Variants in ANKS1B observed in about 807,000 individuals in gnomAD.
The protein encoded by ANKS1B is ankyrin repeat and sterile alpha motif domain-containing protein 1B.
ANKS1B carries 36 observed loss-of-function variants against 148.3 expected under a neutral mutation model. That is an observed-to-expected ratio of 0.24 (90% CI 0.19 to 0.32). ANKS1B has a LOEUF of 0.32. ANKS1B is among the 10% of genes least tolerant of loss of function. ANKS1B has a pLI of 1.00. For missense variants in ANKS1B, 1,157 were observed against 1,542.6 expected, an observed-to-expected ratio of 0.75 and a Z score of 4.19; for synonymous variants, 542 against 560.8, an observed-to-expected ratio of 0.97 and a Z score of 0.47.
At chr12:98,974,560 T>A (rs2099888966) in intron 17 of ANKS1B, among the ~76,000 whole-genome samples, 1 of 149,114 alleles carries the variant, frequency 6.7e-6, no homozygotes, top group South Asian at 2.1e-4. Context: ...ATAAACAGTA[T>A]AAAAAGGTAA....
At chr12:99,366,794 A>G (rs923010538) in intron 12 of ANKS1B, among the ~76,000 whole-genome samples, 5 of 152,184 alleles carry the variant, frequency 3.3e-5, no homozygotes, top group Non-Finnish European at 5.9e-5. Context: ...CTTTCTAACT[A>G]TGACTCAAAA....
At chr12:98,842,383 A>G (rs1034385105) in intron 17 of ANKS1B, among the ~76,000 whole-genome samples, 21 of 152,316 alleles carry the variant, frequency 1.4e-4, no homozygotes, top group African/African-American at 4.6e-4. Flanking sequence ...GCATAAAACT[A>G]TATGTACAGA....
chr12:99,008,185 C>A (rs2099937263), intron 17 of ANKS1B, among the ~76,000 whole-genome samples: 1 of 152,094 alleles, frequency 6.6e-6, no homozygotes, highest in Non-Finnish European at 1.5e-5. Context: ...AGTTCTCAGA[C>A]AAAAGGAAAA....
chr12:99,845,711 G>T (rs748498171), intron 1 of ANKS1B, among the ~76,000 whole-genome samples: 2 of 152,008 alleles, frequency 1.3e-5, no homozygotes, highest in Non-Finnish European at 2.9e-5. Context: ...GCCAGGTTTT[G>T]GTATCACAAT....
intron 17 of ANKS1B, among the ~76,000 whole-genome samples, chr12:98,848,575 T>TC (rs2099497514): frequency 6.6e-6 from 1 of 151,204 alleles, no homozygotes. Context: ...TTTTTTTTTT[T>TC]TGATGCGGAG....
chr12:99,812,158 T>C lies in ANKS1B; in HGVS notation c.369A>G (p.Glu123=). ...HHGPSHSRVN[E]QNNENETALH... ...AGCAAACATTTGGCAAGTGCACCTGTTCATTGACCCTGGAATGTGATGGTC... is the reference window on the plus strand; with the variant it reads ...AGCAAACATTTGGCAAGTGCACCTGCTCATTGACCCTGGAATGTGATGGTC... The change falls in exon 3 of 27, where the codon GAA becomes GAG. Residue 123 remains glutamate, a synonymous_variant. Transcript: ENST00000683438. 1 of 1,610,420 alleles carries C rather than the reference T, an allele frequency of 6.2e-7. No homozygotes were observed. The highest frequency in any genetic ancestry group is 1.7e-5 in the Admixed American group (1 of 59,706).
intron 8 of ANKS1B, among the ~76,000 whole-genome samples, chr12:99,743,272 G>T (rs2060291004): frequency 6.6e-6 from 1 of 152,116 alleles, no homozygotes; most frequent in South Asian, 2.1e-4. Context: ...CTAAAATAGA[G>T]ATTAAAGAAA....
intron 10 of ANKS1B, among the ~76,000 whole-genome samples, chr12:99,449,990 G>A (rs1217523711): frequency 2.0e-5 from 3 of 152,020 alleles, no homozygotes; most frequent in Non-Finnish European, 4.4e-5. Context: ...TATAATTAAT[G>A]GAGCCTAAGA....
At chr12:99,338,406 T>A (rs2089342677) in intron 12 of ANKS1B, among the ~76,000 whole-genome samples, 1 of 151,968 alleles carries the variant, frequency 6.6e-6, no homozygotes, top group South Asian at 2.1e-4. Context: ...CAGGCCTGAG[T>A]CTCTCCTTTC....
intron 10 of ANKS1B, among the ~76,000 whole-genome samples, chr12:99,466,235 A>G (rs2096110738): frequency 6.6e-6 from 1 of 152,240 alleles, no homozygotes; most frequent in African/African-American, 2.4e-5. Context: ...GGTCTTTGAA[A>G]CCAACGAAAA....
chr12:99,337,871 A>G (rs2089231805), intron 12 of ANKS1B, among the ~76,000 whole-genome samples: 1 of 152,160 alleles, frequency 6.6e-6, no homozygotes, highest in Admixed American at 6.5e-5. Flanking sequence ...ACTAACAAAC[A>G]TAGTCTTTCA....
At chr12:99,435,745 A>G (rs1479275273) in intron 11 of ANKS1B, among the ~76,000 whole-genome samples, 1 of 152,068 alleles carries the variant, frequency 6.6e-6, no homozygotes, top group African/African-American at 2.4e-5. Flanking sequence ...GGCACCTACA[A>G]GCAAAATTTT....
chr12:99,092,889 G>A (rs1404538991), intron 15 of ANKS1B, among the ~76,000 whole-genome samples: 2 of 152,168 alleles, frequency 1.3e-5, no homozygotes, highest in Admixed American at 6.5e-5. Context: ...TAACATAGGT[G>A]GTATTATTTT....
chr12:99,948,466 A>G (rs1334811704), intron 1 of ANKS1B, among the ~76,000 whole-genome samples: 1 of 152,192 alleles, frequency 6.6e-6, no homozygotes, highest in Non-Finnish European at 1.5e-5. Context: ...ATTTTAATTT[A>G]GATACAAAGA....
At chr12:99,035,941 GCTGCTCAGGGCACATC>G (rs2153475125) in intron 17 of ANKS1B, among the ~76,000 whole-genome samples, 2 of 152,302 alleles carry the variant, frequency 1.3e-5, no homozygotes, top group Admixed American at 6.5e-5. Context: ...CACTGGGTGA[GCTGCTCAGGGCACATC>G]CTGATGCAGA....
At chr12:99,841,786 C>T (rs1045485318) in intron 1 of ANKS1B, among the ~76,000 whole-genome samples, 8 of 151,974 alleles carry the variant, frequency 5.3e-5, no homozygotes, top group Admixed American at 3.9e-4. Flanking sequence ...AGAAATCATA[C>T]ATATTTTTAA....
At chr12:99,106,729 C>T (rs2059300710) in intron 15 of ANKS1B, among the ~76,000 whole-genome samples, 1 of 152,192 alleles carries the variant, frequency 6.6e-6, no homozygotes, top group Admixed American at 6.5e-5. Flanking sequence ...CTCTTTTCAT[C>T]ATTTTGGAAT....
At chr12:99,101,265 T>C (rs768589611) in intron 15 of ANKS1B, among the ~76,000 whole-genome samples, 1 of 152,130 alleles carries the variant, frequency 6.6e-6, no homozygotes, top group African/African-American at 2.4e-5. Flanking sequence ...AGTGGCTATC[T>C]GAAGTGTGGA....
At chr12:99,843,777 T>C (rs2086158916) in intron 1 of ANKS1B, among the ~76,000 whole-genome samples, 1 of 152,136 alleles carries the variant, frequency 6.6e-6, no homozygotes, top group Non-Finnish European at 1.5e-5. Flanking sequence ...TACCCAGTAA[T>C]AGGATTGCTG....
Sources: gnomAD v4.1 joint callset for allele counts (sites outside exome capture counted in the v4.1 genomes callset) on GRCh38, gnomAD v4.1.1 for gene constraint, MANE v1.5 for transcripts, NCBI Gene and HGNC (gene_info 2026-07-23, HGNC 2026-07-21) for gene names.